RAB1A: variants seen among roughly 807,000 people sequenced by gnomAD.
RAB1A encodes the protein ras-related protein Rab-1A.
A neutral mutation model predicts 26.0 loss-of-function variants in RAB1A; 2 were observed. That is an observed-to-expected ratio of 0.08 (90% confidence interval 0.03 to 0.24). RAB1A has a LOEUF of 0.24. Ranked by LOEUF, RAB1A falls within the 10% of genes least tolerant of loss-of-function variation. The pLI is 1.00. For synonymous variants in RAB1A, 84 were observed against 84.9 expected (o/e 0.99, Z 0.06); for missense variants, 100 against 247.0 (o/e 0.40, Z 3.99).
intron 1 of RAB1A, among the ~76,000 whole-genome samples, chr2:65,107,815 A>C (rs1669596337): frequency 6.6e-6 from 1 of 152,166 alleles, no homozygotes; most frequent in African/African-American, 2.4e-5. Flanking sequence ...CTTAAAGATC[A>C]ACAACCCAGG....
chr2:65,098,949 G>A (rs1399067151), intron 2 of RAB1A, among the ~76,000 whole-genome samples: 2 of 146,300 alleles, frequency 1.4e-5, no homozygotes, highest in African/African-American at 5.1e-5. Flanking sequence ...CAATCCTCAT[G>A]ACTCAGCCAC....
chr2:65,106,297 G>T, intron 1 of RAB1A: 1 of 260,694 alleles, frequency 3.8e-6, no homozygotes, highest in Non-Finnish European at 7.7e-6. Context: ...ACATGATTTT[G>T]TATTTTGTCC....
chr2:65,098,887 G>A (rs1669352903), intron 2 of RAB1A, among the ~76,000 whole-genome samples: 3 of 126,218 alleles, frequency 2.4e-5, no homozygotes, highest in African/African-American at 9.1e-5. Context: ...CCATGCTGGA[G>A]TGCAGTGTCA....
intron 1 of RAB1A, among the ~76,000 whole-genome samples, chr2:65,119,864 A>AAATT (rs1323785401): frequency 1.2e-4 from 18 of 149,174 alleles, no homozygotes; most frequent in African/African-American, 4.2e-4. Flanking sequence ...AAAAAAAAAA[A>AAATT]AATTAATTAA....
At chr2:65,101,836 G>A (rs772085681) in intron 2 of RAB1A, among the ~76,000 whole-genome samples, 6 of 129,702 alleles carry the variant, frequency 4.6e-5, no homozygotes, top group African/African-American at 1.5e-4. Flanking sequence ...CACAACCTCC[G>A]CCTCCTGGGT....
At chr2:65,090,748 TA>T (rs1169857778) in intron 4 of RAB1A, among the ~76,000 whole-genome samples, 2 of 152,224 alleles carry the variant, frequency 1.3e-5, no homozygotes, top group Non-Finnish European at 2.9e-5. Flanking sequence ...TAGTTGACAA[TA>T]AATACAACCA....
rs1244052535 is a variant in RAB1A, at chr2:65,101,076, G to A, written c.97-3010C>T. ...CATGAGAATCACTTGAACCCGGGAG[G>A]TGGGAGTTATAGTGAGCTGAGATCA... On this transcript the variant is annotated intron_variant, in intron 2 of 5. Transcript: ENST00000409784. Among the ~76,000 whole-genome samples the A allele has an allele frequency of 2.0e-5, 3 of 151,828 alleles. No individual in the cohort carries two copies. The East Asian group carries it at 5.8e-4, about 29-fold the overall frequency.
intron 1 of RAB1A, among the ~76,000 whole-genome samples, chr2:65,121,700 T>C (rs1669966758): frequency 6.6e-6 from 1 of 152,148 alleles, no homozygotes; most frequent in Non-Finnish European, 1.5e-5. Context: ...CTAAATTACA[T>C]TCCAGATATC....
At chr2:65,120,971 G>A (rs1669949945) in intron 1 of RAB1A, among the ~76,000 whole-genome samples, 1 of 152,076 alleles carries the variant, frequency 6.6e-6, no homozygotes, top group Non-Finnish European at 1.5e-5. Context: ...AAAGACCATA[G>A]ATGGCCAAGT....
chr2:65,104,665 A>G (rs960881126), intron 2 of RAB1A, 69 bp downstream of exon 2: 70 of 1,157,828 alleles, frequency 6.0e-5, no homozygotes, highest in South Asian at 3.5e-4. Context: ...GTTTAATTTT[A>G]TCTACCTAGA....
intron 1 of RAB1A, among the ~76,000 whole-genome samples, chr2:65,112,606 C>A (rs1024955525): frequency 2.0e-5 from 3 of 151,974 alleles, no homozygotes; most frequent in African/African-American, 7.3e-5. Context: ...TATAATACTA[C>A]GAGCAGATAT....
intron 1 of RAB1A, among the ~76,000 whole-genome samples, chr2:65,121,053 C>T (rs1669952458): frequency 6.6e-6 from 1 of 151,684 alleles, no homozygotes; most frequent in South Asian, 2.1e-4. Context: ...CCCAGGTGTT[C>T]GAGACCAGCA....
chr2:65,091,475 C>T (rs916702436), intron 3 of RAB1A, among the ~76,000 whole-genome samples: 1 of 152,120 alleles, frequency 6.6e-6, no homozygotes, highest in Non-Finnish European at 1.5e-5. Flanking sequence ...ACTGGAGGGA[C>T]CTAATTCAAA....
chr2:65,113,151 C>T (rs572904834), intron 1 of RAB1A, among the ~76,000 whole-genome samples: 2 of 152,282 alleles, frequency 1.3e-5, no homozygotes, highest in East Asian at 3.9e-4. Flanking sequence ...ACTATACATT[C>T]AATTACAAAT....
intron 3 of RAB1A, among the ~76,000 whole-genome samples, chr2:65,096,423 A>G (rs1483385493): frequency 1.3e-5 from 2 of 152,220 alleles, no homozygotes; most frequent in East Asian, 1.9e-4. Flanking sequence ...ACAGTGTCCT[A>G]TAAGATCCCT....
intron 1 of RAB1A, among the ~76,000 whole-genome samples, chr2:65,117,014 A>G (rs1669841647): frequency 6.6e-6 from 1 of 152,214 alleles, no homozygotes; most frequent in Non-Finnish European, 1.5e-5. Context: ...TTAAAAGCCC[A>G]TTTATAAATA....
At chr2:65,129,681 C>T (rs951893239) in intron 1 of RAB1A, among the ~76,000 whole-genome samples, 1 of 151,948 alleles carries the variant, frequency 6.6e-6, no homozygotes, top group Non-Finnish European at 1.5e-5. Flanking sequence ...CAGGCCCGGG[C>T]GGCTCACCCC....
chr2:65,118,898 T>C (rs1451678791), intron 1 of RAB1A, among the ~76,000 whole-genome samples: 5 of 152,158 alleles, frequency 3.3e-5, no homozygotes, highest in Admixed American at 6.6e-5. Flanking sequence ...AAGTTTTTAA[T>C]GTAGAAAAGG....
intron 2 of RAB1A, among the ~76,000 whole-genome samples, chr2:65,099,872 G>T (rs1288000097): frequency 6.6e-6 from 1 of 152,086 alleles, no homozygotes; most frequent in Admixed American, 6.6e-5. Flanking sequence ...TACAGAAAGA[G>T]GGACAAACAA....
Sources: gnomAD v4.1 joint callset for allele counts (sites outside exome capture counted in the v4.1 genomes callset) on GRCh38, gnomAD v4.1.1 for gene constraint, MANE v1.5 for transcripts, NCBI Gene and HGNC (gene_info 2026-07-23, HGNC 2026-07-21) for gene names.